Variants in LRP1B observed in about 807,000 individuals in gnomAD.
LRP1B encodes the protein LDL receptor related protein 1B.
In LRP1B, 217 loss-of-function variants were observed where a neutral mutation model predicts 556.6. The observed-to-expected ratio is 0.39, with a 90% CI of 0.35 to 0.44. LRP1B has a LOEUF of 0.44. Ranked by LOEUF, LRP1B falls within the 20% of genes least tolerant of loss-of-function variation. The probability of loss-of-function intolerance (pLI) is 1.00; values close to 1 mark genes in which losing one functional copy is unlikely to be tolerated. For synonymous variants in LRP1B, 2,047 were observed against 1,865.8 expected, an observed-to-expected ratio of 1.10 and a Z score of -2.50; for missense variants, 5,053 against 5,620.8, an observed-to-expected ratio of 0.90 and a Z score of 3.23.
intron 7 of LRP1B, among the ~76,000 whole-genome samples, chr2:141,131,547 A>C (rs184828400): frequency 1.1e-3 from 164 of 151,574 alleles, no homozygotes; most frequent in African/African-American, 3.9e-3. Context: ...GAAGAAAATA[A>C]ATTCAAACCA....
chr2:140,266,640 T>C (rs1682215495), intron 86 of LRP1B, among the ~76,000 whole-genome samples: 1 of 152,034 alleles, frequency 6.6e-6, no homozygotes, highest in African/African-American at 2.4e-5. Flanking sequence ...TTTAGACCTA[T>C]TCTCCTTTGA....
At chr2:141,111,476 A>T (rs1700748162) in intron 7 of LRP1B, among the ~76,000 whole-genome samples, 1 of 152,190 alleles carries the variant, frequency 6.6e-6, no homozygotes, top group African/African-American at 2.4e-5. Context: ...TTAGGTGGAC[A>T]GTAAGGAAAG....
chr2:141,714,554 C>A (rs1021474167), intron 2 of LRP1B, among the ~76,000 whole-genome samples: 1 of 148,840 alleles, frequency 6.7e-6, no homozygotes, highest in Non-Finnish European at 1.5e-5. Flanking sequence ...TCCTCACTTC[C>A]TTTTGATCTG....
At chr2:141,499,420 C>T (rs1353727269) in intron 2 of LRP1B, among the ~76,000 whole-genome samples, 2 of 152,054 alleles carry the variant, frequency 1.3e-5, no homozygotes, top group Admixed American at 6.6e-5. Context: ...TTCACATTGG[C>T]CCTGTCTGGT....
At chr2:141,061,674 A>T (rs768332949) in intron 8 of LRP1B, among the ~76,000 whole-genome samples, 1 of 151,844 alleles carries the variant, frequency 6.6e-6, no homozygotes, top group Non-Finnish European at 1.5e-5. Flanking sequence ...CCAACGCCAC[A>T]TGGGACAGAT....
chr2:141,875,407 TTC>T (rs915592194), intron 1 of LRP1B, among the ~76,000 whole-genome samples: 5 of 151,968 alleles, frequency 3.3e-5, no homozygotes, highest in Non-Finnish European at 7.4e-5. Flanking sequence ...AAACACTATT[TTC>T]TGTTTTTCTT....
At chr2:141,920,946 T>G (rs370649432) in intron 1 of LRP1B, among the ~76,000 whole-genome samples, 55 of 152,100 alleles carry the variant, frequency 3.6e-4, no homozygotes, top group African/African-American at 1.2e-3. Flanking sequence ...AATGTAAGAA[T>G]TGAGAAAATG....
intron 2 of LRP1B, among the ~76,000 whole-genome samples, chr2:141,790,881 A>G (rs1018050810): frequency 1.3e-5 from 2 of 151,984 alleles, no homozygotes; most frequent in Non-Finnish European, 2.9e-5. Flanking sequence ...GTATAGAAAT[A>G]CAATTCTAGA....
chr2:141,594,762 A>C (rs928366441), intron 2 of LRP1B, among the ~76,000 whole-genome samples: 5 of 152,156 alleles, frequency 3.3e-5, no homozygotes, highest in African/African-American at 9.7e-5. Context: ...AGCCAAAAAG[A>C]AAAAGAAGAT....
At chr2:140,997,145 G>A (rs542732350) in intron 15 of LRP1B, among the ~76,000 whole-genome samples, 1 of 151,782 alleles carries the variant, frequency 6.6e-6, no homozygotes, top group Non-Finnish European at 1.5e-5. Context: ...ATTTAACCAG[G>A]ATCAAAAGTA....
chr2:141,205,248 C>T (rs1247788313), intron 6 of LRP1B, among the ~76,000 whole-genome samples: 1 of 152,054 alleles, frequency 6.6e-6, no homozygotes, highest in Non-Finnish European at 1.5e-5. Flanking sequence ...AAATTAAGTG[C>T]TACATTCAAT....
At chr2:141,118,136 TCA>T (rs1264434249) in intron 7 of LRP1B, among the ~76,000 whole-genome samples, 2 of 150,952 alleles carry the variant, frequency 1.3e-5, no homozygotes, top group Non-Finnish European at 3.0e-5. Context: ...TTTAATGCAT[TCA>T]GAGATAAAAG....
At chr2:140,841,976 C>T (rs985654583) in intron 29 of LRP1B, among the ~76,000 whole-genome samples, 3 of 152,138 alleles carry the variant, frequency 2.0e-5, no homozygotes, top group Admixed American at 2.0e-4. Context: ...TTCTAGCATT[C>T]TGTACTTATA....
intron 83 of LRP1B, among the ~76,000 whole-genome samples, chr2:140,303,546 C>A (rs1683933438): frequency 6.6e-6 from 1 of 151,962 alleles, no homozygotes; most frequent in East Asian, 1.9e-4. Flanking sequence ...CACACCTAGC[C>A]CATAATAATA....
At chr2:140,906,784 G>A (rs1039309022) in intron 22 of LRP1B, among the ~76,000 whole-genome samples, 1 of 151,932 alleles carries the variant, frequency 6.6e-6, no homozygotes, top group Non-Finnish European at 1.5e-5. Flanking sequence ...AGAAAGAAAT[G>A]AATACAGAAG....
intron 2 of LRP1B, among the ~76,000 whole-genome samples, chr2:141,605,501 G>T (rs930092493): frequency 6.6e-6 from 1 of 152,072 alleles, no homozygotes; most frequent in Non-Finnish European, 1.5e-5. Flanking sequence ...TTAAAGGGCT[G>T]ATACCTCTAT....
At chr2:141,278,708 A>G (rs1685397558) in intron 3 of LRP1B, among the ~76,000 whole-genome samples, 1 of 152,192 alleles carries the variant, frequency 6.6e-6, no homozygotes, top group Non-Finnish European at 1.5e-5. Context: ...GCTTAAAATA[A>G]TGTAGGCTTC....
chr2:141,259,188 A>C (rs1684595947), intron 3 of LRP1B, among the ~76,000 whole-genome samples: 1 of 152,218 alleles, frequency 6.6e-6, no homozygotes, highest in African/African-American at 2.4e-5. Flanking sequence ...TAAAAGGATA[A>C]AAATTAATTC....
In LRP1B at chr2:140,967,924, G is replaced by A. The variant is rs1225543637; in HGVS notation, c.2887+14236C>T. On this transcript the variant is annotated intron_variant, in intron 18 of 90. Transcript: ENST00000389484. ...TCATGGTGGATAAGCTTTTTGATGT[G>A]CTGCTGGATTCAGTTTGCCAGTATT... 6.7e-5 allele frequency among the ~76,000 whole-genome samples: 10 copies of A among 149,880 alleles called. No individual in the cohort carries two copies. The East Asian group carries it at 1.4e-3, about 21-fold the overall frequency.
Sources: gnomAD v4.1 joint callset for allele counts (sites outside exome capture counted in the v4.1 genomes callset) on GRCh38, gnomAD v4.1.1 for gene constraint, MANE v1.5 for transcripts, NCBI Gene and HGNC (gene_info 2026-07-23, HGNC 2026-07-21) for gene names.